The following SPP2 variants were observed in gnomAD, a reference collection of about 807,000 sequenced individuals.
SPP2 encodes the protein secreted phosphoprotein 24.
Under a neutral mutation model 28.8 loss-of-function variants are expected in SPP2, and 34 were observed. That is an observed-to-expected ratio of 1.18 (90% CI 0.90 to 1.57). The LOEUF is 1.57. Among genes scored for constraint, SPP2 ranks in the 40% most tolerant of loss-of-function variants. The pLI, the probability that SPP2 is intolerant of heterozygous loss-of-function variation, is 0.00. For synonymous variants in SPP2, 96 were observed against 89.4 expected, an observed-to-expected ratio of 1.07 and a Z score of -0.42; for missense variants, 269 against 263.9, an observed-to-expected ratio of 1.02 and a Z score of -0.13.
intron 4 of SPP2, among the ~76,000 whole-genome samples, chr2:234,063,442 TG>T (rs2125461251): frequency 6.6e-6 from 1 of 152,308 alleles, no homozygotes; most frequent in South Asian, 2.1e-4. Flanking sequence ...AAGGACATAA[TG>T]AAAGCCCTGA....
At chr2:234,069,330 C>G (rs1327005778) in intron 6 of SPP2, among the ~76,000 whole-genome samples, 1 of 152,070 alleles carries the variant, frequency 6.6e-6, no homozygotes, top group African/African-American at 2.4e-5. Flanking sequence ...CCAATCCTGC[C>G]CCAATGTGGG....
chr2:234,063,499 G>A (rs973588919), intron 4 of SPP2, among the ~76,000 whole-genome samples: 6 of 152,116 alleles, frequency 3.9e-5, no homozygotes, highest in Non-Finnish European at 7.4e-5. Context: ...TTAAAGTATA[G>A]TAACAATAAA....
At chr2:234,059,095 C>CA in intron 3 of SPP2, 137 bp downstream of exon 3, 1 of 1,049,310 alleles carries the variant, frequency 9.5e-7, no homozygotes, top group Non-Finnish European at 1.3e-6. Context: ...ACATTGTGTC[C>CA]CCTGGTGGGG....
chr2:234,051,140 T>A (rs1693488948), intron 2 of SPP2, 45 bp downstream of exon 2: 1 of 1,599,408 alleles, frequency 6.3e-7, no homozygotes, highest in Non-Finnish European at 8.6e-7. Flanking sequence ...TCCAATGCTG[T>A]CTGCCTTTTG....
chr2:234,054,870 A>G (rs762024154), intron 2 of SPP2, among the ~76,000 whole-genome samples: 6 of 152,152 alleles, frequency 3.9e-5, no homozygotes, highest in African/African-American at 7.2e-5. Context: ...TTTGAGGTAC[A>G]TTTGGAGGCA....
intron 2 of SPP2, among the ~76,000 whole-genome samples, chr2:234,051,591 C>G (rs1056484417): frequency 2.6e-5 from 4 of 152,166 alleles, no homozygotes; most frequent in African/African-American, 4.8e-5. Flanking sequence ...ATGACTAAGT[C>G]TGTGATATGC....
intron 3 of SPP2, 132 bp downstream of exon 3, chr2:234,059,090 G>A: frequency 9.4e-7 from 1 of 1,059,860 alleles, no homozygotes; most frequent in Non-Finnish European, 1.3e-6. Context: ...TGTGGACATT[G>A]TGTCCCCTGG....
intron 2 of SPP2, among the ~76,000 whole-genome samples, chr2:234,055,771 AG>A (rs1389133710): frequency 1.3e-5 from 2 of 152,174 alleles, no homozygotes; most frequent in African/African-American, 4.8e-5. Flanking sequence ...AAAGAAAAAT[AG>A]GACAATACTG....
chr2:234,055,636 A>G (rs1466515800), intron 2 of SPP2, among the ~76,000 whole-genome samples: 1 of 152,190 alleles, frequency 6.6e-6, no homozygotes. Context: ...GTCAAAAAAT[A>G]CAAGAAAGGG....
chr2:234,059,031 A>G, intron 3 of SPP2, 73 bp downstream of exon 3: 4 of 1,549,556 alleles, frequency 2.6e-6, no homozygotes, highest in Non-Finnish European at 3.5e-6. Flanking sequence ...CTGGAGTCAC[A>G]CAAAGAACTT....
intron 4 of SPP2, among the ~76,000 whole-genome samples, 166 bp downstream of exon 4, chr2:234,060,645 T>C (rs1234610546): frequency 6.6e-6 from 1 of 151,988 alleles, no homozygotes; most frequent in Non-Finnish European, 1.5e-5. Flanking sequence ...AGCCTCATTG[T>C]CCACATCCCC....
At chr2:234,058,156 C>T (rs1358839950) in intron 2 of SPP2, among the ~76,000 whole-genome samples, 2 of 152,194 alleles carry the variant, frequency 1.3e-5, no homozygotes, top group East Asian at 3.8e-4. Context: ...ACTGTGACTC[C>T]TGCCTGAACA....
chr2:234,067,797 A>G, intron 6 of SPP2, among the ~76,000 whole-genome samples: 1 of 151,378 alleles, frequency 6.6e-6, no homozygotes, highest in African/African-American at 2.4e-5. Context: ...AAAAAAAAAA[A>G]AAAAAAAAAA....
intron 2 of SPP2, among the ~76,000 whole-genome samples, chr2:234,051,939 A>T (rs1693506519): frequency 6.6e-6 from 1 of 151,914 alleles, no homozygotes; most frequent in Non-Finnish European, 1.5e-5. Context: ...TCCTGGACTG[A>T]CTCTTAGCTT....
At chr2:234,055,245 T>G (rs1028913592) in intron 2 of SPP2, among the ~76,000 whole-genome samples, 14 of 152,234 alleles carry the variant, frequency 9.2e-5, no homozygotes, top group African/African-American at 3.4e-4. Flanking sequence ...TCTGATGAGG[T>G]AGGCCAGCAG....
chr2:234,056,478 G>A (rs1248511066), intron 2 of SPP2, among the ~76,000 whole-genome samples: 1 of 152,162 alleles, frequency 6.6e-6, no homozygotes, highest in Non-Finnish European at 1.5e-5. Context: ...AATGTTAGAT[G>A]TTTCTCCCTA....
At chr2:234,054,043 G>T (rs562801679) in intron 2 of SPP2, among the ~76,000 whole-genome samples, 53 of 152,336 alleles carry the variant, frequency 3.5e-4, no homozygotes, top group African/African-American at 1.3e-3. Context: ...GATAGGCCTT[G>T]CCTGGGGCAG....
chr2:234,063,493 A>C (rs540285745), intron 4 of SPP2, among the ~76,000 whole-genome samples: 1 of 152,326 alleles, frequency 6.6e-6, no homozygotes, highest in South Asian at 2.1e-4. Flanking sequence ...AATTTTTTAA[A>C]GTATAGTAAC....
rs1693775697 is a variant in SPP2 at position 234,064,254 on chromosome 2, TC to T, written c.445-2278del. ...TCTTCTCCTCCTTCCTCTGTCTCTCTCTCTCTCTCTGTCACTGTGCCTTCTG... is the reference window on the plus strand; with the variant it reads ...TCTTCTCCTCCTTCCTCTGTCTCTCTTCTCTCTCTGTCACTGTGCCTTCTG... On this transcript the variant is annotated intron_variant, in intron 4 of 7. Coordinates refer to ENST00000168148, the MANE Select transcript of SPP2 (RefSeq NM_006944.3). Among the ~76,000 whole-genome samples the T allele has an allele frequency of 2.0e-5, 3 of 151,806 alleles. No individual in the cohort carries two copies. In the South Asian group the frequency reaches 6.3e-4, roughly 32 times the overall value.
Sources: allele counts gnomAD v4.1 joint callset (sites outside exome capture counted in the v4.1 genomes callset), GRCh38; gene constraint gnomAD v4.1.1; transcripts MANE v1.5; gene names NCBI Gene and HGNC (gene_info 2026-07-23, HGNC 2026-07-21).